Variants in ROBO1 observed in about 807,000 individuals in gnomAD.
The protein encoded by ROBO1 is roundabout homolog 1.
A neutral mutation model predicts 195.9 loss-of-function variants in ROBO1; 149 were observed. That is an observed-to-expected ratio of 0.76 (90% CI 0.67 to 0.87). ROBO1 has a LOEUF of 0.87. Among genes scored for constraint, ROBO1 ranks in the 40% least tolerant of loss-of-function variants. The pLI is 0.00. For missense variants in ROBO1, 1,933 were observed against 2,068.3 expected (o/e 0.93, Z 1.27); for synonymous variants, 816 against 733.2 (o/e 1.11, Z -1.82).
chr3:78,884,474 G>A (rs1014635205), intron 4 of ROBO1, among the ~76,000 whole-genome samples: 15 of 151,560 alleles, frequency 9.9e-5, no homozygotes, highest in African/African-American at 3.6e-4. Flanking sequence ...AAAAATCAGC[G>A]AGGCATGGTG....
At chr3:78,834,818 G>T (rs866049375) in intron 4 of ROBO1, among the ~76,000 whole-genome samples, 1 of 151,942 alleles carries the variant, frequency 6.6e-6, no homozygotes, top group Non-Finnish European at 1.5e-5. Context: ...TTACTTAAAG[G>T]ATTATATTTC....
At chr3:78,635,636 T>C (rs1559675754) in intron 23 of ROBO1, 137 bp downstream of exon 23, 5 of 741,184 alleles carry the variant, frequency 6.7e-6, no homozygotes, top group Non-Finnish European at 1.0e-5. Flanking sequence ...CTGGAAATTT[T>C]GAAACCAAAG....
At chr3:78,731,344 T>G (rs1454512803) in intron 5 of ROBO1, among the ~76,000 whole-genome samples, 2 of 152,082 alleles carry the variant, frequency 1.3e-5, no homozygotes, top group Non-Finnish European at 2.9e-5. Context: ...GTTGCTTCCA[T>G]ATAAACCGAT....
At chr3:78,740,153 T>C (rs1001310393) in intron 5 of ROBO1, among the ~76,000 whole-genome samples, 20 of 152,094 alleles carry the variant, frequency 1.3e-4, no homozygotes, top group Admixed American at 4.6e-4. Flanking sequence ...TGCTTACTAT[T>C]ATCATCATCA....
At chr3:79,184,443 T>A (rs1303719160) in intron 2 of ROBO1, among the ~76,000 whole-genome samples, 1 of 152,072 alleles carries the variant, frequency 6.6e-6, no homozygotes, top group Non-Finnish European at 1.5e-5. Context: ...ATTCTGAGAA[T>A]TTTATAGGGA....
chr3:78,659,799 C>A lies in ROBO1; in HGVS notation c.2329G>T (p.Ala777Ser), dbSNP rs927109486. Residue 777 changes from alanine (A) to serine (S), a missense_variant, in exon 17 of 31, where the codon GCC becomes TCC. Physicochemically the swap from Ala to Ser is moderately conservative, Grantham distance 99. Around this residue, in one of 3 missense-constraint regions of ROBO1, gnomAD observed 1,737 missense variants for 1,882.5 expected, o/e 0.92. Transcript: ENST00000464233. ...GATACAGTTACACCTTGGGGTGGGGCACTGGGTGCTATTAAATTGTTTTAA... is the reference window on the plus strand; with the variant it reads ...GATACAGTTACACCTTGGGGTGGGGAACTGGGTGCTATTAAATTGTTTTAA... ...FAKTLEEAPS[A>S]PPQGVTVSKN... 2 of 1,602,884 alleles carry A rather than the reference C, an allele frequency of 1.2e-6. No individual in the cohort carries two copies. The highest frequency in any genetic ancestry group is 1.7e-5 in the Admixed American group (1 of 58,556).
intron 4 of ROBO1, among the ~76,000 whole-genome samples, chr3:78,862,517 T>C (rs984599699): frequency 1.3e-5 from 2 of 152,186 alleles, no homozygotes; most frequent in Admixed American, 6.6e-5. Context: ...ATATTAAGTT[T>C]GTGTTGTTTC....
chr3:79,525,360 G>A (rs1023509168), intron 2 of ROBO1, among the ~76,000 whole-genome samples: 1 of 149,224 alleles, frequency 6.7e-6, no homozygotes, highest in African/African-American at 2.4e-5. Flanking sequence ...AACACTCATT[G>A]TACTGATTGT....
intron 23 of ROBO1, chr3:78,634,389 A>G (rs185589176): frequency 4.8e-6 from 1 of 209,748 alleles, no homozygotes; most frequent in African/African-American, 2.3e-5. Flanking sequence ...ATTAAAAAAA[A>G]CAAATATCTT....
intron 4 of ROBO1, among the ~76,000 whole-genome samples, chr3:78,751,056 C>T (rs919617583): frequency 3.9e-5 from 6 of 152,170 alleles, no homozygotes; most frequent in South Asian, 2.1e-4. Flanking sequence ...TGACTTATGG[C>T]GATTGTGCAT....
At chr3:79,682,762 C>T (rs1023438753) in intron 1 of ROBO1, among the ~76,000 whole-genome samples, 16 of 151,854 alleles carry the variant, frequency 1.1e-4, no homozygotes, top group Admixed American at 6.6e-5. Context: ...TGGGCATAAC[C>T]GCATGTTTTA....
At chr3:79,091,948 T>C (rs1025589561) in intron 3 of ROBO1, among the ~76,000 whole-genome samples, 1 of 152,018 alleles carries the variant, frequency 6.6e-6, no homozygotes, top group Non-Finnish European at 1.5e-5. Context: ...TGAGAAGGCA[T>C]TGGAGAGTTC....
rs528537730 is a variant in ROBO1 at position 78,696,661 on chromosome 3, T to C, written c.1046-7889A>G. Among the ~76,000 whole-genome samples, 3 of 146,146 alleles carry C rather than the reference T, an allele frequency of 2.1e-5. No homozygotes were observed. In the Admixed American group the frequency reaches 2.2e-4, roughly 11 times the overall value. ...ATATATATATATATATACACATATA[T>C]ATACACATATATATACATGTATACA... On this transcript the variant is annotated intron_variant, in intron 8 of 30. Coordinates refer to ENST00000464233, the MANE Select transcript of ROBO1 (RefSeq NM_002941.4).
At chr3:78,927,229 G>C (rs534268870) in intron 4 of ROBO1, among the ~76,000 whole-genome samples, 1 of 152,230 alleles carries the variant, frequency 6.6e-6, no homozygotes, top group South Asian at 2.1e-4. Context: ...ATATAGGACA[G>C]AACAAAACAT....
intron 2 of ROBO1, among the ~76,000 whole-genome samples, chr3:79,291,344 T>C (rs2032234947): frequency 6.6e-6 from 1 of 152,188 alleles, no homozygotes; most frequent in African/African-American, 2.4e-5. Context: ...TCTCCTCTTC[T>C]ACCTCCCTCT....
chr3:78,935,326 C>T (rs1045340398), intron 4 of ROBO1, among the ~76,000 whole-genome samples: 1 of 151,930 alleles, frequency 6.6e-6, no homozygotes, highest in Non-Finnish European at 1.5e-5. Context: ...TAAATGGAAA[C>T]AAATAGCCAT....
At chr3:79,220,413 A>T (rs1257764959) in intron 2 of ROBO1, among the ~76,000 whole-genome samples, 3 of 152,104 alleles carry the variant, frequency 2.0e-5, no homozygotes, top group African/African-American at 7.2e-5. Context: ...CAGATTCTAG[A>T]GTGTAATAAA....
At chr3:79,471,329 G>A (rs1377396181) in intron 2 of ROBO1, among the ~76,000 whole-genome samples, 1 of 152,084 alleles carries the variant, frequency 6.6e-6, no homozygotes, top group Admixed American at 6.6e-5. Context: ...ACAGGCTTTT[G>A]CACAGCAAAG....
At chr3:78,782,428 C>G (rs930264873) in intron 4 of ROBO1, among the ~76,000 whole-genome samples, 2 of 152,042 alleles carry the variant, frequency 1.3e-5, no homozygotes, top group Non-Finnish European at 2.9e-5. Flanking sequence ...AACTCCTGGC[C>G]TCAAGTGATC....
Sources: gnomAD v4.1 joint callset for allele counts (sites outside exome capture counted in the v4.1 genomes callset) on GRCh38, gnomAD v4.1.1 for gene constraint, gnomAD v4.1.1 regional missense constraint, MANE v1.5 for transcripts, NCBI Gene and HGNC (gene_info 2026-07-23, HGNC 2026-07-21) for gene names.